Variants in NUBPL observed in about 807,000 individuals in gnomAD.
The protein encoded by NUBPL is NUBP iron-sulfur cluster assembly factor, mitochondrial, also known as iron-sulfur cluster transfer protein NUBPL.
A neutral mutation model predicts 45.7 loss-of-function variants in NUBPL; 31 were observed. The ratio of observed to expected loss-of-function variants is 0.68; its 90% CI spans 0.51 to 0.92. NUBPL has a LOEUF of 0.92. NUBPL is among the 40% of genes least tolerant of loss of function. The probability of loss-of-function intolerance (pLI) is 0.00; values close to 1 mark genes in which losing one functional copy is unlikely to be tolerated. For synonymous variants in NUBPL, 144 were observed against 140.9 expected (o/e 1.02, Z -0.15); for missense variants, 401 against 398.7 (o/e 1.01, Z -0.05).
At position 31,718,564 on chromosome 14, in the gene NUBPL, T is replaced by A. The variant is rs1425502312; in HGVS notation, c.513+44990T>A. ...TACAGCCTATCTTACAGCAAAGTGA[T>A]TAAAATTGTAGTAAAAAAATTCTAT... On this transcript the variant is annotated intron_variant, in intron 6 of 10. Coordinates refer to ENST00000281081, the MANE Select transcript of NUBPL (RefSeq NM_025152.3). Among the ~76,000 whole-genome samples, 4 of 152,198 alleles carry A rather than the reference T, an allele frequency of 2.6e-5. No homozygotes were observed. The East Asian group carries it at 7.7e-4, about 29-fold the overall frequency.
At position 31,775,561 on chromosome 14, in the gene NUBPL, C is replaced by T. The variant is rs1225158842; in HGVS notation, c.514-12219C>T. Among the ~76,000 whole-genome samples the T allele has an allele frequency of 3.3e-5, 5 of 152,166 alleles. 1 individual carries two copies. Among genetic ancestry groups the T allele is most frequent in the Non-Finnish European group, 7.4e-5 (5 of 68,018 alleles). On this transcript the variant is annotated intron_variant, in intron 6 of 10. Transcript: ENST00000281081. ...TGGCTGACTCAAGTCTGAACTGTTG[C>T]GCCTGATCTGTACCTCATCCTACCC...
chr14:31,783,794 A>C (rs550852155), intron 6 of NUBPL, among the ~76,000 whole-genome samples: 1 of 152,350 alleles, frequency 6.6e-6, no homozygotes, highest in African/African-American at 2.4e-5. Context: ...CTGGGATTAC[A>C]GGCATGAGCC....
Position 31,561,511 on chromosome 14 carries a change from G to A in NUBPL, c.72G>A (p.Pro24=), listed in dbSNP as rs762225792. ...SLRAGGGATA[P]LGGSRAMVCG... is the part of the protein sequence containing the mutation. Reference sequence around the variant, plus strand: ...GGGCTGGTGGCGGGGCCACTGCCCCGCTTGGGGGAAGCCGAGCGATGGTTT... The same window carrying A: ...GGGCTGGTGGCGGGGCCACTGCCCCACTTGGGGGAAGCCGAGCGATGGTTT... The change falls in exon 1 of 11, where the codon CCG becomes CCA. Residue 24 remains proline (P), a synonymous_variant. Coordinates refer to ENST00000281081, the MANE Select transcript of NUBPL (RefSeq NM_025152.3). 2 of 1,384,870 alleles carry A rather than the reference G, an allele frequency of 1.4e-6. No homozygotes were observed. Among genetic ancestry groups the A allele is most frequent in the East Asian group, 2.7e-5 (1 of 36,382 alleles). The allele number at this position is 1,384,870 out of a possible 1,614,324, so 85.8% of individuals were successfully genotyped here. A position where few individuals can be genotyped will look rare whatever the true frequency, so the allele number is the denominator to read the frequency against.
intron 4 of NUBPL, among the ~76,000 whole-genome samples, chr14:31,624,731 A>T (rs1017943082): frequency 6.6e-6 from 1 of 152,012 alleles, no homozygotes; most frequent in African/African-American, 2.4e-5. Flanking sequence ...TGCCCAGCTA[A>T]TTTTTGTATT....
intron 7 of NUBPL, among the ~76,000 whole-genome samples, chr14:31,789,122 C>G (rs376229526): frequency 6.6e-6 from 1 of 151,986 alleles, no homozygotes; most frequent in South Asian, 2.1e-4. Flanking sequence ...GTCAGGAGAT[C>G]GAGACCATCC....
intron 4 of NUBPL, among the ~76,000 whole-genome samples, chr14:31,640,492 G>A (rs1341717403): frequency 6.6e-6 from 1 of 151,684 alleles, no homozygotes; most frequent in African/African-American, 2.4e-5. Flanking sequence ...GTGAATACCT[G>A]TAATCCCAGC....
intron 6 of NUBPL, among the ~76,000 whole-genome samples, chr14:31,732,056 G>A (rs12433797): frequency 2.6e-5 from 4 of 151,580 alleles, no homozygotes; most frequent in South Asian, 2.1e-4. Flanking sequence ...CAAAAAAGCC[G>A]GGCATGGTGT....
At chr14:31,671,051 A>G (rs1395543814) in intron 4 of NUBPL, among the ~76,000 whole-genome samples, 3 of 152,120 alleles carry the variant, frequency 2.0e-5, no homozygotes, top group Admixed American at 2.0e-4. Context: ...GAATCTGTAA[A>G]TTGCCTTGGG....
At chr14:31,805,146 C>G (rs2039661565) in intron 7 of NUBPL, among the ~76,000 whole-genome samples, 1 of 152,004 alleles carries the variant, frequency 6.6e-6, no homozygotes, top group African/African-American at 2.4e-5. Flanking sequence ...ATGCAGCCAA[C>G]AAGCATATGA....
At chr14:31,849,483 A>G (rs2139001304) in intron 9 of NUBPL, among the ~76,000 whole-genome samples, 1 of 152,186 alleles carries the variant, frequency 6.6e-6, no homozygotes, top group South Asian at 2.1e-4. Flanking sequence ...AAGAAAACAC[A>G]CCTCTCCCAT....
At chr14:31,651,885 C>T (rs918563209) in intron 4 of NUBPL, among the ~76,000 whole-genome samples, 8 of 141,886 alleles carry the variant, frequency 5.6e-5, no homozygotes, top group East Asian at 2.0e-4. Context: ...GGCAACAGAG[C>T]GAGACTCTGT....
At chr14:31,761,191 T>C (rs2038801077) in intron 6 of NUBPL, among the ~76,000 whole-genome samples, 1 of 152,104 alleles carries the variant, frequency 6.6e-6, no homozygotes. Context: ...TTCTGAATTT[T>C]TTTTTGGAGA....
chr14:31,645,688 A>G (rs2035828375), intron 4 of NUBPL, among the ~76,000 whole-genome samples: 2 of 151,624 alleles, frequency 1.3e-5, no homozygotes, highest in South Asian at 4.2e-4. Context: ...ATAACAAGCT[A>G]TTTTAGTGAG....
intron 7 of NUBPL, among the ~76,000 whole-genome samples, chr14:31,809,892 A>G (rs1290929454): frequency 1.3e-5 from 2 of 152,278 alleles, no homozygotes; most frequent in East Asian, 3.9e-4. Context: ...GTCATTCAGG[A>G]GCAGGTTGTT....
At chr14:31,568,043 G>A (rs1221586123) in intron 3 of NUBPL, among the ~76,000 whole-genome samples, 1 of 152,166 alleles carries the variant, frequency 6.6e-6, no homozygotes, top group Non-Finnish European at 1.5e-5. Flanking sequence ...ATGGAATTTG[G>A]AAGAGAAGGG....
chr14:31,834,390 A>G lies in NUBPL; in HGVS notation c.693+7676A>G, dbSNP rs574978784. On this transcript the variant is annotated intron_variant, in intron 8 of 10. Coordinates refer to ENST00000281081, the MANE Select transcript of NUBPL (RefSeq NM_025152.3). The stretch of plus-strand genomic sequence containing the variant: ...GAGACGGGGTTTCACCGTGTTAGCC[A>G]GGATGGTCTCGATCTCCTGACTTCA... Among the ~76,000 whole-genome samples the G allele has an allele frequency of 2.5e-4, 38 of 152,166 alleles. No individual in the cohort carries two copies. In the East Asian group the frequency reaches 2.9e-3, roughly 12 times the overall value.
chr14:31,756,740 G>A (rs1490622002), intron 6 of NUBPL, among the ~76,000 whole-genome samples: 1 of 151,584 alleles, frequency 6.6e-6, no homozygotes, highest in Non-Finnish European at 1.5e-5. Context: ...ACACTATGTT[G>A]AATAGGAGTG....
In NUBPL at chr14:31,729,941, G is replaced by A. The variant is rs529543850; in HGVS notation, c.513+56367G>A. 3.3e-5 allele frequency among the ~76,000 whole-genome samples: 5 copies of A among 152,256 alleles called. No homozygotes were observed. The East Asian group carries it at 9.6e-4, about 29-fold the overall frequency. ...TGTCTCATATATGATATTGATGGCA[G>A]TGTTTCTCCTCTTTCACTATTAAGA... On this transcript the variant is annotated intron_variant, in intron 6 of 10. Coordinates refer to ENST00000281081, the MANE Select transcript of NUBPL (RefSeq NM_025152.3).
rs114078987 is a variant in NUBPL at position 31,623,297 on chromosome 14, G to A, written c.382+23918G>A. On this transcript the variant is annotated intron_variant, in intron 4 of 10. Transcript: ENST00000281081. ...TCTTTTTGATTTTACAGACTCATAT[G>A]TGGAAGGGACTTGCCTTGGCTCAGA... 6.5e-3 allele frequency among the ~76,000 whole-genome samples: 991 copies of A among 152,318 alleles called. 11 individuals carry two copies. The highest frequency in any genetic ancestry group is 0.022 in the African/African-American group (928 of 41,570).
Sources: gnomAD v4.1 joint callset for allele counts (sites outside exome capture counted in the v4.1 genomes callset) on GRCh38, gnomAD v4.1.1 for gene constraint, MANE v1.5 for transcripts, NCBI Gene and HGNC (gene_info 2026-07-23, HGNC 2026-07-21) for gene names.